HDAC9: variants seen among roughly 807,000 people sequenced by gnomAD.
The protein encoded by HDAC9 is histone deacetylase 9.
HDAC9 carries 41 observed loss-of-function variants against 139.4 expected under a neutral mutation model. That is an observed-to-expected ratio of 0.29 (90% CI 0.23 to 0.38). The LOEUF is 0.38. Ranked by LOEUF, HDAC9 falls within the 10% of genes least tolerant of loss-of-function variation. The pLI, the probability that HDAC9 is intolerant of heterozygous loss-of-function variation, is 1.00. For missense variants in HDAC9, 1,147 were observed against 1,297.0 expected, an observed-to-expected ratio of 0.88 and a Z score of 1.78; for synonymous variants, 517 against 476.2, an observed-to-expected ratio of 1.09 and a Z score of -1.12.
At chr7:18,639,349 AAT>A (rs1342325063) in intron 8 of HDAC9, among the ~76,000 whole-genome samples, 5 of 152,214 alleles carry the variant, frequency 3.3e-5, no homozygotes, top group Admixed American at 1.3e-4. Flanking sequence ...GCTATGACAA[AAT>A]AATCATTTAC....
chr7:18,439,201 T>C (rs1452842721), intron 1 of HDAC9, among the ~76,000 whole-genome samples: 1 of 152,002 alleles, frequency 6.6e-6, no homozygotes, highest in Non-Finnish European at 1.5e-5. Context: ...CATGTAGGAG[T>C]TTTCAGTCTG....
rs3216880 is a variant in HDAC9 at position 18,623,405 on chromosome 7, CAGCCATCTCTCTCT to C, written c.665-5944_665-5931del. Reference sequence around the variant, plus strand: ...ACTAGGCAAAGGAGTGTACCAATTGCAGCCATCTCTCTCTCTACTTATTTTTTATTTTGTTTAAT... The same window carrying C: ...ACTAGGCAAAGGAGTGTACCAATTGCCTACTTATTTTTTATTTTGTTTAAT... On this transcript the variant is annotated intron_variant, in intron 6 of 25. Coordinates refer to ENST00000686413, the MANE Select transcript of HDAC9 (RefSeq NM_178425.4). 5.7e-4 allele frequency among the ~76,000 whole-genome samples: 87 copies of C among 152,230 alleles called. No individual in the cohort carries two copies. The East Asian group carries it at 0.013, about 23-fold the overall frequency.
At chr7:18,591,296 A>T (rs541288686) in intron 4 of HDAC9, among the ~76,000 whole-genome samples, 3 of 152,274 alleles carry the variant, frequency 2.0e-5, no homozygotes, top group African/African-American at 7.2e-5. Context: ...TTTGCAATTT[A>T]AGTAGTATTT....
At chr7:18,261,427 A>G (rs1475222215) in intron 2 of HDAC9, among the ~76,000 whole-genome samples, 1 of 152,212 alleles carries the variant, frequency 6.6e-6, no homozygotes, top group Non-Finnish European at 1.5e-5. Context: ...TCATTTAAGA[A>G]TAAATCCTTA....
chr7:18,631,425 G>A (rs1368946316), intron 7 of HDAC9, among the ~76,000 whole-genome samples: 2 of 151,992 alleles, frequency 1.3e-5, no homozygotes, highest in African/African-American at 2.4e-5. Flanking sequence ...GTCTTCACCT[G>A]TACTCCTTCC....
At chr7:18,945,117 A>G (rs1782283580) in intron 23 of HDAC9, among the ~76,000 whole-genome samples, 1 of 152,208 alleles carries the variant, frequency 6.6e-6, no homozygotes, top group Non-Finnish European at 1.5e-5. Flanking sequence ...TGTGTTTTCC[A>G]TAGTGGCAGT....
At chr7:18,273,474 G>T (rs1021702639) in intron 2 of HDAC9, among the ~76,000 whole-genome samples, 12 of 152,146 alleles carry the variant, frequency 7.9e-5, no homozygotes, top group African/African-American at 2.9e-4. Flanking sequence ...TCTGAAAGAG[G>T]TGTCATTGTT....
chr7:18,868,966 T>C (rs1798698127), intron 21 of HDAC9, among the ~76,000 whole-genome samples: 1 of 152,136 alleles, frequency 6.6e-6, no homozygotes, highest in Non-Finnish European at 1.5e-5. Context: ...TCCATACGCC[T>C]TCCCCCATAC....
chr7:18,444,574 G>T lies in HDAC9; in HGVS notation c.-41-51688G>T, dbSNP rs145570783. 9.2e-3 allele frequency among the ~76,000 whole-genome samples: 1,394 copies of T among 152,032 alleles called. 8 individuals carry two copies. Among genetic ancestry groups the T allele is most frequent in the Middle Eastern group, 0.031 (9 of 294 alleles). On this transcript the variant is annotated intron_variant, in intron 1 of 3. Transcript: ENST00000413509. ...TACATTCATTTTCTTAAGCATATGG[G>T]ATGAGTTGATGGTATCCTAGATACA...
intron 1 of HDAC9, among the ~76,000 whole-genome samples, chr7:18,488,892 A>T (rs1796164840): frequency 6.6e-6 from 1 of 152,072 alleles, no homozygotes; most frequent in African/African-American, 2.4e-5. Flanking sequence ...GACAAGAACA[A>T]GGCAAAGGAA....
At chr7:18,775,449 T>A (rs1790681431) in intron 16 of HDAC9, among the ~76,000 whole-genome samples, 1 of 152,076 alleles carries the variant, frequency 6.6e-6, no homozygotes, top group South Asian at 2.1e-4. Context: ...CTGTAAGCAC[T>A]TCTCAAAATG....
rs1490860589 is a variant in HDAC9 at position 18,767,766 on chromosome 7, C to A, written c.2214+611C>A. Reference sequence around the variant, plus strand: ...ATTTTTGTAGATGATTAGAACATATCCTATAACCTGAAATCTATTTAAAGT... The same window carrying A: ...ATTTTTGTAGATGATTAGAACATATACTATAACCTGAAATCTATTTAAAGT... On this transcript the variant is annotated intron_variant, in intron 16 of 25. Coordinates refer to ENST00000686413, the MANE Select transcript of HDAC9 (RefSeq NM_178425.4). 3.3e-5 allele frequency among the ~76,000 whole-genome samples: 5 copies of A among 152,140 alleles called. No individual in the cohort carries two copies. In the East Asian group the frequency reaches 9.6e-4, roughly 29 times the overall value.
intron 1 of HDAC9, among the ~76,000 whole-genome samples, chr7:18,299,219 G>C (rs1195669899): frequency 7.4e-6 from 1 of 135,092 alleles, no homozygotes; most frequent in Non-Finnish European, 1.6e-5. Context: ...CAACTCTTAA[G>C]ATTTTTTTTT....
Position 18,634,650 on chromosome 7 carries a change from C to T in HDAC9, c.820C>T (p.Pro274Ser). ...VTESSVSSSS[P>S]GSGPSSPNNG... ...AGAATCCTCAGTCAGTAGCAGTTCT[C>T]CAGGCTCTGGTCCCAGTTCACCAAA... is the stretch of plus-strand genomic sequence containing the variant. Residue 274 changes from proline (P) to serine (S), a missense_variant, in exon 8 of 26, where the codon CCA (proline) becomes TCA (serine). Physicochemically the swap from Pro to Ser is moderately conservative, Grantham distance 74 (BLOSUM62 -1). Transcript: ENST00000686413. The T allele has an allele frequency of 6.3e-7, 1 of 1,586,558 alleles. No individual in the cohort carries two copies.
rs1332031483 is a variant in HDAC9, at chr7:19,001,546, A to AT, written c.*5486dup. 1 of 92,168 alleles carries AT rather than the reference A, an allele frequency of 1.1e-5. No individual in the cohort carries two copies. Among genetic ancestry groups the AT allele is most frequent in the African/African-American group, 6.5e-5 (1 of 15,302 alleles). The allele number at this position is 92,168 out of a possible 1,614,324, so 5.7% of individuals were successfully genotyped here. ...CTTAAAATTCAACAGAAATGGAGTA[A>AT]TTAAAAAAAAAAACAAAAAACAGAG... On this transcript the variant is annotated 3_prime_UTR_variant, in exon 26 of 26. Coordinates refer to ENST00000686413, the MANE Select transcript of HDAC9 (RefSeq NM_178425.4).
At chr7:18,424,043 A>T (rs1043644461) in intron 1 of HDAC9, among the ~76,000 whole-genome samples, 1 of 152,330 alleles carries the variant, frequency 6.6e-6, no homozygotes, top group Admixed American at 6.5e-5. Context: ...TCACCTATAA[A>T]TATGCAGTAA....
intron 12 of HDAC9, among the ~76,000 whole-genome samples, chr7:18,712,558 T>G (rs1784422284): frequency 6.6e-6 from 1 of 152,226 alleles, no homozygotes; most frequent in African/African-American, 2.4e-5. Context: ...GAGAACTGTT[T>G]TAGCCTTTAC....
At chr7:18,843,689 C>A (rs1796730139) in intron 21 of HDAC9, among the ~76,000 whole-genome samples, 2 of 151,716 alleles carry the variant, frequency 1.3e-5, no homozygotes. Context: ...GAGCAATTAC[C>A]CTCTTTTTCT....
At chr7:18,918,648 T>C (rs1316484557) in intron 22 of HDAC9, among the ~76,000 whole-genome samples, 4 of 152,018 alleles carry the variant, frequency 2.6e-5, no homozygotes, top group African/African-American at 9.7e-5. Context: ...TAATATACTC[T>C]TGGGTAATGC....
Sources: gnomAD v4.1 joint callset for allele counts (sites outside exome capture counted in the v4.1 genomes callset) on GRCh38, gnomAD v4.1.1 for gene constraint, MANE v1.5 for transcripts, NCBI Gene and HGNC (gene_info 2026-07-23, HGNC 2026-07-21) for gene names.